Variants in CFAP47 observed in about 807,000 individuals in gnomAD.
CFAP47 encodes the protein cilia- and flagella-associated protein 47.
In CFAP47, 29 loss-of-function variants were observed where a neutral mutation model predicts 148.1. The ratio of observed to expected loss-of-function variants is 0.20; its 90% CI spans 0.15 to 0.27. The LOEUF (loss-of-function observed/expected upper bound fraction) is 0.27. CFAP47 is among the 10% of genes least tolerant of loss of function. The probability of loss-of-function intolerance (pLI) is 1.00; values close to 1 mark genes in which losing one functional copy is unlikely to be tolerated. For synonymous variants in CFAP47, 664 were observed against 577.3 expected (o/e 1.15, Z -2.15); for missense variants, 1,872 against 1,697.5 (o/e 1.10, Z -1.81).
chrX:36,148,778 A>G (rs1408290083), intron 36 of CFAP47, among the ~76,000 whole-genome samples: 1 of 111,915 alleles, frequency 8.9e-6, no homozygotes, highest in Non-Finnish European at 1.9e-5. Context: ...TTCCTTTGCA[A>G]TAAAAATAAA....
intron 56 of CFAP47, among the ~76,000 whole-genome samples, chrX:36,318,922 C>T (rs73199370): frequency 0.058 from 6,499 of 111,311 alleles, 163 homozygotes; most frequent in Middle Eastern, 0.12. Context: ...AATCTTCCTG[C>T]CTCAGACTCC....
chrX:36,076,609 T>A (rs1019613217), intron 29 of CFAP47, among the ~76,000 whole-genome samples: 2 of 111,306 alleles, frequency 1.8e-5, no homozygotes, highest in Non-Finnish European at 3.8e-5. Context: ...TTTAAACTGT[T>A]TCAGTTCCTT....
In CFAP47 at chrX:36,350,039, A is replaced by G; in HGVS notation, c.8605A>G (p.Ile2869Val). 8.9e-7 allele frequency: 1 copy of G among 1,122,169 alleles called. No homozygotes were observed. The highest frequency in any genetic ancestry group is 2.0e-5 in the South Asian group (1 of 50,672). The allele number at this position is 1,122,169 out of a possible 1,213,427, so 92.5% of individuals were successfully genotyped here. ...FDELDIKFKS[I>V]VGIDSEEIQA... Reference sequence around the variant, plus strand: ...CTTAATATTTTAATTTCTAATTAGTATTGTGGGAATCGACAGCGAAGAAAT... The same window carrying G: ...CTTAATATTTTAATTTCTAATTAGTGTTGTGGGAATCGACAGCGAAGAAAT... The change falls in exon 59 of 64, where the codon ATT (isoleucine) becomes GTT (valine). Residue 2869 changes from isoleucine (I) to valine (V), a missense_variant and splice_region_variant. By Grantham distance (29) the Ile-to-Val change is conservative. Coordinates refer to ENST00000378653, the MANE Select transcript of CFAP47 (RefSeq NM_001304548.2).
intron 60 of CFAP47, among the ~76,000 whole-genome samples, chrX:36,355,015 C>A (rs781787361): frequency 3.6e-5 from 4 of 110,444 alleles, no homozygotes; most frequent in Non-Finnish European, 7.6e-5. Context: ...GGAGCTCCTA[C>A]AACTCAATTA....
At chrX:36,146,350 C>T (rs1006672925) in intron 36 of CFAP47, among the ~76,000 whole-genome samples, 3 of 110,840 alleles carry the variant, frequency 2.7e-5, no homozygotes, top group Middle Eastern at 4.7e-3. Context: ...TGCTAGCTAA[C>T]GTTTAAAAAT....
chrX:36,382,462 CTT>C (rs112428352), intron 63 of CFAP47, among the ~76,000 whole-genome samples: 22 of 111,324 alleles, frequency 2.0e-4, no homozygotes, highest in African/African-American at 6.9e-4. Context: ...ATAGTAAGGA[CTT>C]TTAGGCTAAA....
At chrX:35,941,427 A>G (rs1171590121) in intron 3 of CFAP47, 29 bp downstream of exon 3, 1 of 797,210 alleles carries the variant, frequency 1.3e-6, no homozygotes, top group Non-Finnish European at 1.8e-6. Context: ...ATTTACTTAC[A>G]CTTTTAGAAG....
intron 18 of CFAP47, among the ~76,000 whole-genome samples, chrX:35,994,089 CA>C (rs1398643325): frequency 9.1e-5 from 10 of 109,837 alleles, no homozygotes; most frequent in African/African-American, 3.3e-5. Flanking sequence ...GGTGAAACCC[CA>C]TCTCTACTAA....
At chrX:36,023,938 T>G (rs1937188168) in intron 22 of CFAP47, among the ~76,000 whole-genome samples, 1 of 112,292 alleles carries the variant, frequency 8.9e-6, no homozygotes, top group South Asian at 3.7e-4. Flanking sequence ...AGAGCCCGCT[T>G]GGTGCTCTCC....
In CFAP47 at chrX:36,107,775, A is replaced by G. The variant is rs779910722; in HGVS notation, c.5320+3084A>G. Among the ~76,000 whole-genome samples, 6 of 111,548 alleles carry G rather than the reference A, an allele frequency of 5.4e-5. No homozygotes were observed. In the South Asian group the frequency reaches 1.9e-3, roughly 35 times the overall value. On this transcript the variant is annotated intron_variant, in intron 33 of 63. Coordinates refer to ENST00000378653, the MANE Select transcript of CFAP47 (RefSeq NM_001304548.2). ...ACTATTTTCCTTCATTTATTACCAT[A>G]TATAACATTCTTTCTTTTTGCCACA...
Position 36,169,605 on chromosome X carries a change from T to G in CFAP47, c.6026+8836T>G. On this transcript the variant is annotated intron_variant, in intron 39 of 63. Coordinates refer to ENST00000378653, the MANE Select transcript of CFAP47 (RefSeq NM_001304548.2). ...GATGTTATTTTTCAATTCTAGAATT[T>G]CTAATTGGTTCTTTTGTATCATTTC... Among the ~76,000 whole-genome samples the G allele has an allele frequency of 2.7e-5, 3 of 111,949 alleles. 1 individual carries two copies.
At chrX:35,994,800 T>C (rs1936827355) in intron 18 of CFAP47, among the ~76,000 whole-genome samples, 1 of 111,385 alleles carries the variant, frequency 9.0e-6, no homozygotes, top group Admixed American at 9.6e-5. Context: ...AACATTATAG[T>C]ATAATGAGAC....
intron 57 of CFAP47, among the ~76,000 whole-genome samples, chrX:36,346,236 TAAA>T (rs1486656497): frequency 9.0e-6 from 1 of 110,822 alleles, no homozygotes; most frequent in Non-Finnish European, 1.9e-5. Flanking sequence ...TGTTTTTTTT[TAAA>T]TACATTCTCA....
chrX:36,214,987 A>T (rs1176719793), intron 45 of CFAP47, among the ~76,000 whole-genome samples: 1 of 111,863 alleles, frequency 8.9e-6, no homozygotes, highest in Admixed American at 9.5e-5. Flanking sequence ...CTGGTAATTT[A>T]TTACCATAAA....
intron 26 of CFAP47, among the ~76,000 whole-genome samples, chrX:36,053,001 A>G (rs1937527798): frequency 8.9e-6 from 1 of 111,890 alleles, no homozygotes; most frequent in South Asian, 3.7e-4. Context: ...CCAGAGTCAA[A>G]TCAGTTTGAA....
intron 35 of CFAP47, among the ~76,000 whole-genome samples, chrX:36,142,723 A>G (rs1428640106): frequency 9.0e-6 from 1 of 111,048 alleles, no homozygotes; most frequent in East Asian, 2.8e-4. Context: ...AAATTGCTGG[A>G]TTTTTCAAAG....
chrX:36,037,005 A>G (rs773250650), intron 24 of CFAP47, among the ~76,000 whole-genome samples: 1 of 112,360 alleles, frequency 8.9e-6, no homozygotes, highest in Admixed American at 9.5e-5. Context: ...CTCTGAAAAT[A>G]TGATAGAAAA....
intron 35 of CFAP47, among the ~76,000 whole-genome samples, chrX:36,142,904 CTTCGGATCATACCCTATAGGTTGA>C (rs1939168228): frequency 9.0e-6 from 1 of 110,601 alleles, no homozygotes; most frequent in African/African-American, 3.3e-5. Context: ...AGATAGCCCT[CTTCGGATCATACCCTATAGGTTGA>C]TTCCAAACAC....
chrX:36,365,551 G>A (rs1941867365), intron 61 of CFAP47: 1 of 110,176 alleles, frequency 9.1e-6, no homozygotes, highest in South Asian at 3.9e-4. Context: ...GTGTCATGGG[G>A]GTTTGTTGTA....
Sources: gnomAD v4.1 joint callset for allele counts (sites outside exome capture counted in the v4.1 genomes callset) on GRCh38, gnomAD v4.1.1 for gene constraint, MANE v1.5 for transcripts, NCBI Gene and HGNC (gene_info 2026-07-23, HGNC 2026-07-21) for gene names.